The following KDM4C variants were observed in gnomAD, a reference collection of about 807,000 sequenced individuals.
The protein encoded by KDM4C is lysine demethylase 4C, also known as lysine-specific demethylase 4C.
A neutral mutation model predicts 129.3 loss-of-function variants in KDM4C; 81 were observed. That is an observed-to-expected ratio of 0.63 (90% CI 0.52 to 0.75). The LOEUF (loss-of-function observed/expected upper bound fraction) is 0.75, where lower values mean the gene tolerates loss of function less well. Ranked by LOEUF, KDM4C falls within the 30% of genes least tolerant of loss-of-function variation. KDM4C has a pLI of 0.00. For missense variants in KDM4C, 1,457 were observed against 1,304.0 expected, an observed-to-expected ratio of 1.12 and a Z score of -1.81; for synonymous variants, 573 against 456.1, an observed-to-expected ratio of 1.26 and a Z score of -3.26.
intron 8 of KDM4C, among the ~76,000 whole-genome samples, chr9:6,919,581 A>G (rs139431946): frequency 5.4e-5 from 8 of 147,326 alleles, no homozygotes; most frequent in African/African-American, 2.0e-4. Context: ...CTATCTATCT[A>G]TCTATCTATC....
At chr9:7,066,114 A>C (rs151149823) in intron 17 of KDM4C, among the ~76,000 whole-genome samples, 30 of 152,298 alleles carry the variant, frequency 2.0e-4, no homozygotes, top group African/African-American at 7.0e-4. Context: ...GCTTGTCATC[A>C]TTTTAATGGT....
chr9:6,893,078 T>A lies in KDM4C; in HGVS notation c.784-17T>A. On this transcript the variant is annotated splice_polypyrimidine_tract_variant and intron_variant, in intron 7 of 21. Coordinates refer to ENST00000381309, the MANE Select transcript of KDM4C (RefSeq NM_015061.6). ...AGTCTTATTTTTACAAAATATTATA[T>A]GTTTCCTACCTTGCAGATAACCCAG... 6.8e-7 allele frequency: 1 copy of A among 1,474,274 alleles called. No individual in the cohort carries two copies. Among genetic ancestry groups the A allele is most frequent in the South Asian group, 1.4e-5 (1 of 69,236 alleles). 91.3% of individuals were successfully genotyped at this position (1,474,274 alleles called of 1,614,324 possible). A position where few individuals can be genotyped will look rare whatever the true frequency, so the allele number is the denominator to read the frequency against.
chr9:6,725,319 A>C (rs12352193), intron 1 of KDM4C, among the ~76,000 whole-genome samples: 40,085 of 144,640 alleles, frequency 0.28, 6,334 homozygotes, highest in African/African-American at 0.46. Flanking sequence ...GCTGGAGTGC[A>C]TCTAGTGTGT....
intron 15 of KDM4C, among the ~76,000 whole-genome samples, chr9:7,025,609 A>G (rs1384527028): frequency 1.3e-5 from 2 of 151,484 alleles, no homozygotes; most frequent in African/African-American, 4.9e-5. Context: ...TTAACATTGC[A>G]TAGGCAAAAA....
intron 5 of KDM4C, among the ~76,000 whole-genome samples, chr9:6,857,572 G>T (rs912107405): frequency 6.6e-6 from 1 of 152,134 alleles, no homozygotes; most frequent in African/African-American, 2.4e-5. Flanking sequence ...GTGTTTGTGA[G>T]TTGGAAAGTC....
At chr9:6,806,263 C>G (rs527591600) in intron 3 of KDM4C, among the ~76,000 whole-genome samples, 1 of 152,024 alleles carries the variant, frequency 6.6e-6, no homozygotes, top group East Asian at 1.9e-4. Flanking sequence ...GGGAGGCCAA[C>G]GTGGGCGGAT....
intron 8 of KDM4C, among the ~76,000 whole-genome samples, chr9:6,960,282 A>AT (rs34061929): frequency 0.62 from 88,822 of 143,336 alleles, 28,678 homozygotes; most frequent in East Asian, 0.99. Context: ...AATGTTTTTA[A>AT]TTTTTTTTTT....
Position 6,758,026 on chromosome 9 carries a change from G to T in KDM4C, c.-195G>T. 1 of 985,460 alleles carries T rather than the reference G, an allele frequency of 1.0e-6. No individual in the cohort carries two copies. Among genetic ancestry groups the T allele is most frequent in the Non-Finnish European group, 1.2e-6 (1 of 829,950 alleles). 61.0% of individuals were successfully genotyped at this position (985,460 alleles called of 1,614,324 possible). A position where few individuals can be genotyped will look rare whatever the true frequency, so the allele number is the denominator to read the frequency against. ...CTGCCTCCCACCCACCCCCTCGACG[G>T]GAGGGTGAGGCGCGGCGCAGTGATC... On this transcript the variant is annotated 5_prime_UTR_variant, in exon 1 of 22. Coordinates refer to ENST00000381309, the MANE Select transcript of KDM4C (RefSeq NM_015061.6). This position sits in a 1 kb window ranked among gnomAD's most constrained non-coding sequence, Gnocchi z 4.6.
intron 1 of KDM4C, among the ~76,000 whole-genome samples, chr9:6,721,681 C>G (rs549157413): frequency 6.6e-6 from 1 of 151,386 alleles, no homozygotes; most frequent in African/African-American, 2.4e-5. Flanking sequence ...CTCCGCCTCC[C>G]GGGTTCAAGC....
chr9:6,927,090 TCTATCTATCTATCTATCTA>T (rs1822726149), intron 8 of KDM4C, among the ~76,000 whole-genome samples: 1 of 22,290 alleles, frequency 4.5e-5, no homozygotes, highest in East Asian at 2.0e-3. Context: ...AAAAAAATTT[TCTATCTATCTATCTATCTA>T]TCTATCTATC....
chr9:6,775,636 C>A (rs1005816594), intron 1 of KDM4C, among the ~76,000 whole-genome samples: 4 of 151,900 alleles, frequency 2.6e-5, no homozygotes, highest in Admixed American at 2.6e-4. Flanking sequence ...AATTCTTCTG[C>A]CTCAGCCTCC....
chr9:6,723,343 C>T (rs568974299), intron 1 of KDM4C, among the ~76,000 whole-genome samples: 2 of 151,790 alleles, frequency 1.3e-5, no homozygotes, highest in South Asian at 4.2e-4. Flanking sequence ...CCACTGCACT[C>T]CAGCCTGCGT....
intron 1 of KDM4C, among the ~76,000 whole-genome samples, chr9:6,733,915 G>A (rs1817436845): frequency 6.6e-6 from 1 of 152,194 alleles, no homozygotes; most frequent in South Asian, 2.1e-4. Context: ...GAGTGTAGCA[G>A]TGAGGACAAC....
At chr9:6,993,890 C>G (rs1331328642) in intron 12 of KDM4C, among the ~76,000 whole-genome samples, 1 of 152,194 alleles carries the variant, frequency 6.6e-6, no homozygotes, top group African/African-American at 2.4e-5. Flanking sequence ...AGTTGTCATT[C>G]AATGCTGCCT....
chr9:7,012,022 C>T, intron 13 of KDM4C, 143 bp downstream of exon 13: 2 of 637,678 alleles, frequency 3.1e-6, no homozygotes, highest in South Asian at 4.0e-5. Context: ...TTTCATAGAA[C>T]CACAAACAGT....
At position 7,076,374 on chromosome 9, in the gene KDM4C, C is replaced by G. The variant is rs1833915159; in HGVS notation, c.2424+27174C>G. On this transcript the variant is annotated intron_variant, in intron 17 of 21. Transcript: ENST00000381309. ...CTCATGCTAAAGCCCATGCTATTTT[C>G]ACTATAATTTATTAAAATCTGGCAT... is the stretch of plus-strand genomic sequence containing the variant. The G allele has an allele frequency of 1.3e-5, 16 of 1,205,858 alleles. No homozygotes were observed. In the South Asian group the frequency reaches 2.1e-4, roughly 16 times the overall value. The allele number at this position is 1,205,858 out of a possible 1,614,324, so 74.7% of individuals were successfully genotyped here. A position where few individuals can be genotyped will look rare whatever the true frequency, so the allele number is the denominator to read the frequency against.
chr9:6,798,637 T>C (rs981593187), intron 2 of KDM4C, among the ~76,000 whole-genome samples: 3 of 152,244 alleles, frequency 2.0e-5, no homozygotes, highest in African/African-American at 4.8e-5. Flanking sequence ...CCATGTCTAC[T>C]TCTTTCCACA....
In KDM4C at chr9:7,015,939, T is replaced by G. The variant is rs1315280919; in HGVS notation, c.2259+10T>G. ...AAATGCGTGGACAGCAGTAAGTAGC[T>G]TATTTTAGTATTGCTTAACCTTTCT... is the stretch of plus-strand genomic sequence containing the variant. On this transcript the variant is annotated intron_variant, in intron 15 of 21. Coordinates refer to ENST00000381309, the MANE Select transcript of KDM4C (RefSeq NM_015061.6). 6.3e-7 allele frequency: 1 copy of G among 1,598,812 alleles called. No individual in the cohort carries two copies. The highest frequency in any genetic ancestry group is 1.1e-5 in the South Asian group (1 of 90,462).
At chr9:6,804,114 C>T (rs949746025) in intron 2 of KDM4C, among the ~76,000 whole-genome samples, 14 of 152,198 alleles carry the variant, frequency 9.2e-5, no homozygotes, top group Admixed American at 8.5e-4. Flanking sequence ...TGAGCCACTA[C>T]GGCTGGCTGT....
Sources: allele counts gnomAD v4.1 joint callset (sites outside exome capture counted in the v4.1 genomes callset), GRCh38; gene constraint gnomAD v4.1.1; non-coding constraint Gnocchi (gnomAD v3.1); transcripts MANE v1.5; gene names NCBI Gene and HGNC (gene_info 2026-07-23, HGNC 2026-07-21).